Variants in WDR41 observed in about 807,000 individuals in gnomAD.
WDR41 encodes the protein WD repeat-containing protein 41.
WDR41 carries 63 observed loss-of-function variants against 69.3 expected under a neutral mutation model. That is an observed-to-expected ratio of 0.91 (90% CI 0.74 to 1.12). WDR41 has a LOEUF of 1.12. Ranked by LOEUF, WDR41 falls within the 50% of genes most tolerant of loss-of-function variation. WDR41 has a pLI of 0.00. For synonymous variants in WDR41, 185 were observed against 192.1 expected (o/e 0.96, Z 0.31); for missense variants, 543 against 534.5 (o/e 1.02, Z -0.16).
chr5:77,547,656 G>A (rs114509352), intron 1 of WDR41, among the ~76,000 whole-genome samples: 17,646 of 152,038 alleles, frequency 0.12, 1,275 homozygotes, highest in East Asian at 0.17. Context: ...TGGAAACACA[G>A]TCCATGCTCA....
At chr5:77,506,596 A>G (rs1400610022) in intron 1 of WDR41, among the ~76,000 whole-genome samples, 3 of 152,196 alleles carry the variant, frequency 2.0e-5, no homozygotes, top group Non-Finnish European at 4.4e-5. Flanking sequence ...ACATATGTTT[A>G]TTGCAGTACT....
intron 12 of WDR41, among the ~76,000 whole-genome samples, chr5:77,433,571 T>C (rs1188192964): frequency 6.6e-6 from 1 of 152,214 alleles, no homozygotes; most frequent in Non-Finnish European, 1.5e-5. Flanking sequence ...TTTTCAAGTA[T>C]TGGTTTTACT....
At chr5:77,481,220 G>C (rs965575248) in intron 2 of WDR41, among the ~76,000 whole-genome samples, 3 of 151,900 alleles carry the variant, frequency 2.0e-5, no homozygotes, top group African/African-American at 7.3e-5. Context: ...ATGTTGGGCA[G>C]GCTGGTCTCA....
upstream of WDR41, among the ~76,000 whole-genome samples, chr5:77,495,104 C>T (rs1341384315): frequency 2.0e-5 from 3 of 151,860 alleles, no homozygotes; most frequent in Non-Finnish European, 4.4e-5. Flanking sequence ...AAACACAACA[C>T]GACAAAACTT....
Position 77,431,145 on chromosome 5 carries a change from C to A in WDR41, c.*1990G>T, listed in dbSNP as rs1259693232. 1 of 152,164 alleles carries A rather than the reference C, an allele frequency of 6.6e-6. No homozygotes were observed. The highest frequency in any genetic ancestry group is 1.9e-4 in the East Asian group (1 of 5,198). The allele number at this position is 152,164 out of a possible 1,614,324, so 9.4% of individuals were successfully genotyped here. ...CAGACTCTAAATTTTGAAAGAAGTT[C>A]TACTGTGGGTAAAATGCTATTAAAT... On this transcript the variant is annotated 3_prime_UTR_variant, in exon 13 of 13. Coordinates refer to ENST00000296679, the MANE Select transcript of WDR41 (RefSeq NM_018268.4).
At chr5:77,603,061 C>T (rs1744353698) in intron 1 of WDR41, among the ~76,000 whole-genome samples, 1 of 152,046 alleles carries the variant, frequency 6.6e-6, no homozygotes, top group South Asian at 2.1e-4. Flanking sequence ...CCTCAGCCTC[C>T]CGAGTAGCTG....
intron 1 of WDR41, among the ~76,000 whole-genome samples, chr5:77,537,131 G>T (rs6872745): frequency 0.49 from 74,372 of 152,110 alleles, 19,489 homozygotes; most frequent in African/African-American, 0.69. Flanking sequence ...GCATTCCAAG[G>T]GAATACTTAC....
intron 1 of WDR41, among the ~76,000 whole-genome samples, chr5:77,609,630 G>C (rs1263093185): frequency 6.6e-6 from 1 of 152,106 alleles, no homozygotes; most frequent in Non-Finnish European, 1.5e-5. Context: ...CAAACAGAAA[G>C]GACATCCACA....
intron 1 of WDR41, among the ~76,000 whole-genome samples, chr5:77,545,019 C>A (rs1350947225): frequency 1.3e-5 from 2 of 152,086 alleles, no homozygotes; most frequent in African/African-American, 4.8e-5. Context: ...CAAAAAGTAC[C>A]TTCAAAACCA....
intron 2 of WDR41, among the ~76,000 whole-genome samples, chr5:77,469,013 T>C (rs1275832485): frequency 1.3e-5 from 2 of 152,272 alleles, no homozygotes; most frequent in East Asian, 3.9e-4. Flanking sequence ...AATGATAGAC[T>C]GGATTAAGAA....
upstream of WDR41, among the ~76,000 whole-genome samples, chr5:77,495,833 A>G (rs1342627328): frequency 6.6e-6 from 1 of 152,070 alleles, no homozygotes; most frequent in Non-Finnish European, 1.5e-5. Context: ...TTATAGGCCA[A>G]TATCCCTTAT....
At chr5:77,440,002 T>C (rs1387654825) in intron 9 of WDR41, among the ~76,000 whole-genome samples, 2 of 152,194 alleles carry the variant, frequency 1.3e-5, no homozygotes, top group African/African-American at 2.4e-5. Flanking sequence ...CCTGTTCCTA[T>C]CCTAATCTTT....
At chr5:77,434,142 C>T (rs72769031) in intron 12 of WDR41, among the ~76,000 whole-genome samples, 8,185 of 151,980 alleles carry the variant, frequency 0.054, 359 homozygotes, top group Admixed American at 0.13. Context: ...CCAGCCTGGC[C>T]AAACATGGTG....
intron 1 of WDR41, among the ~76,000 whole-genome samples, chr5:77,520,468 C>T (rs1184090446): frequency 1.3e-5 from 2 of 152,148 alleles, no homozygotes; most frequent in Non-Finnish European, 2.9e-5. Context: ...CTAGAAGTCA[C>T]ACAAGCAACA....
intron 3 of WDR41, among the ~76,000 whole-genome samples, chr5:77,463,608 T>C (rs1800165412): frequency 1.3e-5 from 2 of 152,134 alleles, no homozygotes; most frequent in South Asian, 2.1e-4. Flanking sequence ...TATAAGGTCA[T>C]AGAAGAAAAT....
intron 1 of WDR41, among the ~76,000 whole-genome samples, chr5:77,602,556 T>A (rs752871419): frequency 5.3e-5 from 8 of 152,126 alleles, no homozygotes; most frequent in Non-Finnish European, 8.8e-5. Flanking sequence ...GACCTCTAGA[T>A]CCATCCATGT....
intron 2 of WDR41, among the ~76,000 whole-genome samples, chr5:77,468,786 T>G (rs1286402758): frequency 6.6e-6 from 1 of 152,228 alleles, no homozygotes; most frequent in Non-Finnish European, 1.5e-5. Context: ...GCAAGTACTT[T>G]CTAATGCATG....
intron 8 of WDR41, among the ~76,000 whole-genome samples, chr5:77,441,342 A>G (rs1799155752): frequency 6.6e-6 from 1 of 152,220 alleles, no homozygotes; most frequent in Non-Finnish European, 1.5e-5. Flanking sequence ...AAAGTTAGTT[A>G]AAGGATGGAA....
intron 1 of WDR41, among the ~76,000 whole-genome samples, chr5:77,618,018 G>C (rs183734511): frequency 6.6e-6 from 1 of 152,182 alleles, no homozygotes; most frequent in Non-Finnish European, 1.5e-5. Context: ...GCTTGTAAAT[G>C]AGAATAAGAG....
Sources: allele counts gnomAD v4.1 joint callset (sites outside exome capture counted in the v4.1 genomes callset), GRCh38; gene constraint gnomAD v4.1.1; transcripts MANE v1.5; gene names NCBI Gene and HGNC (gene_info 2026-07-23, HGNC 2026-07-21).